JPH3: variants seen among roughly 807,000 people sequenced by gnomAD.
JPH3 encodes junctophilin-3.
A neutral mutation model predicts 59.6 loss-of-function variants in JPH3; 11 were observed. The ratio of observed to expected loss-of-function variants is 0.18; its 90% CI spans 0.12 to 0.31. JPH3 has a LOEUF of 0.31. Ranked by LOEUF, JPH3 falls within the 10% of genes least tolerant of loss-of-function variation. The probability of loss-of-function intolerance (pLI) is 1.00; values close to 1 mark genes in which losing one functional copy is unlikely to be tolerated. For missense variants in JPH3, 1,202 were observed against 1,105.7 expected (o/e 1.09, Z -1.24); for synonymous variants, 673 against 483.6 (o/e 1.39, Z -5.14).
At chr16:87,695,711 G>A (rs1198840824) in intron 4 of JPH3, 1 of 430,228 alleles carries the variant, frequency 2.3e-6, no homozygotes, top group Non-Finnish European at 4.5e-6. Flanking sequence ...GCTTCCCAGA[G>A]GGGCCACGCT....
At chr16:87,641,957 C>G (rs12930996) in intron 1 of JPH3, among the ~76,000 whole-genome samples, 1 of 152,130 alleles carries the variant, frequency 6.6e-6, no homozygotes. Flanking sequence ...GGGCCCGGGC[C>G]CTGGGGTGCT....
chr16:87,622,610 G>GAGCTCTCCCT (rs1555534705), intron 1 of JPH3, among the ~76,000 whole-genome samples: 5 of 152,140 alleles, frequency 3.3e-5, no homozygotes, highest in South Asian at 4.1e-4. Context: ...TGGGATGGAA[G>GAGCTCTCCCT]TCTGCCAGAG....
chr16:87,628,469 T>C (rs940132554), intron 1 of JPH3, among the ~76,000 whole-genome samples: 2 of 152,224 alleles, frequency 1.3e-5, no homozygotes, highest in African/African-American at 4.8e-5. Context: ...CTGGCCTTCG[T>C]GAGTGATGGC....
At chr16:87,613,177 A>T (rs1039763349) in intron 1 of JPH3, among the ~76,000 whole-genome samples, 1 of 145,042 alleles carries the variant, frequency 6.9e-6, no homozygotes, top group African/African-American at 2.6e-5. Context: ...GCTCACTGCA[A>T]GCTCCGCCTG....
At chr16:87,615,956 G>A (rs914130822) in intron 1 of JPH3, among the ~76,000 whole-genome samples, 28 of 152,164 alleles carry the variant, frequency 1.8e-4, no homozygotes, top group Admixed American at 3.9e-4. Context: ...AGGAGGGGCC[G>A]GTGGTGTGGA....
chr16:87,604,482 C>T, intron 1 of JPH3: 1 of 1,346,412 alleles, frequency 7.4e-7, no homozygotes, highest in Non-Finnish European at 9.7e-7. Flanking sequence ...CCCGACCAGT[C>T]CACTCCCATG....
At chr16:87,632,336 A>G (rs1335141172) in intron 1 of JPH3, among the ~76,000 whole-genome samples, 1 of 152,164 alleles carries the variant, frequency 6.6e-6, no homozygotes, top group Non-Finnish European at 1.5e-5. Context: ...GGCTTGTCTG[A>G]TTGTTGGCCT....
rs762403580 is a variant in JPH3 at position 87,696,697 on chromosome 16, A to T, written c.*37A>T. The stretch of plus-strand genomic sequence containing the variant: ...GGTAGCAAAAATAGAGAAAGGGTAG[A>T]AAAAAGGGACATTAAAATTAAAAGC... On this transcript the variant is annotated 3_prime_UTR_variant, in exon 5 of 5. Coordinates refer to ENST00000284262, the MANE Select transcript of JPH3 (RefSeq NM_020655.4). The T allele has an allele frequency of 1.5e-5, 23 of 1,528,626 alleles. No homozygotes were observed. In the Admixed American group the frequency reaches 3.7e-4, roughly 24 times the overall value. The allele number at this position is 1,528,626 out of a possible 1,614,324, so 94.7% of individuals were successfully genotyped here. A position where few individuals can be genotyped will look rare whatever the true frequency, so the allele number is the denominator to read the frequency against.
intron 2 of JPH3, among the ~76,000 whole-genome samples, chr16:87,665,851 G>A (rs62053820): frequency 5.9e-5 from 9 of 152,284 alleles, no homozygotes; most frequent in Admixed American, 2.6e-4. Flanking sequence ...TCCCTGGTTG[G>A]AACACTGGTC....
At chr16:87,690,563 C>T (rs1333759423) in intron 4 of JPH3, 37 bp downstream of exon 4, 1 of 1,436,592 alleles carries the variant, frequency 7.0e-7, no homozygotes, top group Non-Finnish European at 9.1e-7. Flanking sequence ...CCAGTGGAGG[C>T]AACATCCACC....
intron 2 of JPH3, among the ~76,000 whole-genome samples, chr16:87,646,941 C>G (rs1484545572): frequency 6.6e-6 from 1 of 152,142 alleles, no homozygotes; most frequent in Non-Finnish European, 1.5e-5. Context: ...TTCCCCTAGA[C>G]ATTAAGAGAA....
intron 1 of JPH3, among the ~76,000 whole-genome samples, chr16:87,635,859 G>A (rs554909268): frequency 1.2e-4 from 19 of 152,304 alleles, no homozygotes; most frequent in South Asian, 6.2e-4. Context: ...TCCTGTGTGC[G>A]GAGGCAGCAC....
chr16:87,658,680 GC>G (rs1322258100), intron 2 of JPH3, among the ~76,000 whole-genome samples: 3 of 152,204 alleles, frequency 2.0e-5, no homozygotes, highest in Admixed American at 2.0e-4. Context: ...AAAGCAGGAG[GC>G]CCCAGCAGGT....
chr16:87,659,123 C>T (rs1306925635), intron 2 of JPH3, among the ~76,000 whole-genome samples: 1 of 152,130 alleles, frequency 6.6e-6, no homozygotes, highest in Non-Finnish European at 1.5e-5. Context: ...CTTGTAATCT[C>T]AGCCCTTTGG....
At chr16:87,694,827 C>G (rs1597303029) in intron 4 of JPH3, 1 of 188,846 alleles carries the variant, frequency 5.3e-6, no homozygotes, top group South Asian at 1.1e-4. Context: ...CCCTCCTCCC[C>G]CAGCTCCCGG....
intron 1 of JPH3, among the ~76,000 whole-genome samples, chr16:87,637,232 A>G (rs1263511039): frequency 1.3e-5 from 2 of 152,236 alleles, no homozygotes; most frequent in African/African-American, 4.8e-5. Context: ...ACAATATGCA[A>G]TTCAGTGGCA....
chr16:87,634,652 G>T (rs144675777), intron 1 of JPH3, among the ~76,000 whole-genome samples: 9 of 152,334 alleles, frequency 5.9e-5, no homozygotes, highest in Admixed American at 3.3e-4. Context: ...GTGACGGGAG[G>T]GGGGCTCTGG....
At chr16:87,626,472 T>C (rs745487989) in intron 1 of JPH3, among the ~76,000 whole-genome samples, 3 of 152,216 alleles carry the variant, frequency 2.0e-5, no homozygotes, top group African/African-American at 4.8e-5. Context: ...CTGTGAGGTT[T>C]CACCTGGGGC....
At position 87,689,739 on chromosome 16, in the gene JPH3, T is replaced by G. The variant is rs781364975; in HGVS notation, c.1379T>G (p.Leu460Arg). 10 of 1,612,314 alleles carry G rather than the reference T, an allele frequency of 6.2e-6. No individual in the cohort carries two copies. The South Asian group carries it at 1.1e-4, about 18-fold the overall frequency. Residue 460 changes from leucine to arginine, a missense_variant, in exon 4 of 5, where the codon CTG becomes CGG. Transcript: ENST00000284262. ...GTPLQQESPELYRKGTTPSDL... is the reference protein window; with the variant it reads ...GTPLQQESPERYRKGTTPSDL... ...CCCCTGCAGCAGGAGAGCCCCGAGC[T>G]GTACCGCAAGGGCACCACTCCCTCC...
Sources: allele counts gnomAD v4.1 joint callset (sites outside exome capture counted in the v4.1 genomes callset), GRCh38; gene constraint gnomAD v4.1.1; transcripts MANE v1.5; gene names NCBI Gene and HGNC (gene_info 2026-07-23, HGNC 2026-07-21).